The following DLGAP2 variants were observed in gnomAD, a reference collection of about 807,000 sequenced individuals.
The protein encoded by DLGAP2 is disks large-associated protein 2.
Under a neutral mutation model 100.3 loss-of-function variants are expected in DLGAP2, and 26 were observed. That is an observed-to-expected ratio of 0.26 (90% CI 0.19 to 0.36). The LOEUF (loss-of-function observed/expected upper bound fraction) is 0.36, where lower values mean the gene tolerates loss of function less well. Among genes scored for constraint, DLGAP2 ranks in the 10% least tolerant of loss-of-function variants. DLGAP2 has a pLI of 1.00. For missense variants in DLGAP2, 1,858 were observed against 1,453.2 expected (o/e 1.28, Z -4.53); for synonymous variants, 886 against 630.1 (o/e 1.41, Z -6.08).
chr8:1,506,856 C>G (rs1799937989), intron 4 of DLGAP2, among the ~76,000 whole-genome samples: 3 of 152,328 alleles, frequency 2.0e-5, no homozygotes, highest in Middle Eastern at 3.4e-3. Flanking sequence ...GAGCTAGACA[C>G]AGAGCATAGA....
At chr8:974,413 C>G (rs890466089) in intron 2 of DLGAP2, among the ~76,000 whole-genome samples, 2 of 152,162 alleles carry the variant, frequency 1.3e-5, no homozygotes, top group African/African-American at 4.8e-5. Flanking sequence ...AGAATTCTGT[C>G]TATAGATGAC....
intron 3 of DLGAP2, among the ~76,000 whole-genome samples, chr8:1,432,308 T>A (rs1797474491): frequency 6.6e-6 from 1 of 152,216 alleles, no homozygotes; most frequent in African/African-American, 2.4e-5. Context: ...AAATTTAATC[T>A]GAGAAACTGC....
chr8:1,627,625 G>A (rs549257073), intron 7 of DLGAP2, among the ~76,000 whole-genome samples: 1 of 152,382 alleles, frequency 6.6e-6, no homozygotes, highest in South Asian at 2.1e-4. Context: ...CAGTGCTTGA[G>A]CTGACCTTGA....
chr8:886,269 TTTTC>T (rs1797920140), intron 1 of DLGAP2, among the ~76,000 whole-genome samples: 1 of 152,196 alleles, frequency 6.6e-6, no homozygotes. Flanking sequence ...TTCTCTCTCT[TTTTC>T]TTTATTAGTC....
chr8:1,229,550 T>G (rs1454439858), intron 2 of DLGAP2, among the ~76,000 whole-genome samples: 1 of 151,540 alleles, frequency 6.6e-6, no homozygotes, highest in Non-Finnish European at 1.5e-5. Context: ...TTTGTTTTTC[T>G]GTGGGATTAG....
At chr8:1,372,462 A>T (rs192264200) in intron 3 of DLGAP2, among the ~76,000 whole-genome samples, 77 of 152,252 alleles carry the variant, frequency 5.1e-4, no homozygotes, top group East Asian at 4.8e-3. Context: ...AGTCCCCTCC[A>T]CAGCAGGGCT....
At chr8:886,499 T>C (rs979085584) in intron 1 of DLGAP2, among the ~76,000 whole-genome samples, 21 of 152,246 alleles carry the variant, frequency 1.4e-4, no homozygotes, top group East Asian at 9.6e-4. Flanking sequence ...CTTTCTGATG[T>C]GGGCATTTAG....
chr8:1,040,148 G>A lies in DLGAP2; in HGVS notation c.73+132182G>A, dbSNP rs1426071422. On this transcript the variant is annotated intron_variant, in intron 2 of 14. Transcript: ENST00000637795. Reference sequence around the variant, plus strand: ...GGTGTGCGTGGTCAGCTCGCTGCACGTGTTCGGCTCGGTGTGTGTTGTCAG... The same window carrying A: ...GGTGTGCGTGGTCAGCTCGCTGCACATGTTCGGCTCGGTGTGTGTTGTCAG... Among the ~76,000 whole-genome samples, 6 of 141,640 alleles carry A rather than the reference G, an allele frequency of 4.2e-5. No homozygotes were observed. In the South Asian group the frequency reaches 7.1e-4, roughly 17 times the overall value. The allele number at this position is 141,640 out of a possible 152,430, so 92.9% of individuals were successfully genotyped here.
chr8:1,274,386 T>A (rs1799641154), intron 3 of DLGAP2, among the ~76,000 whole-genome samples: 1 of 151,936 alleles, frequency 6.6e-6, no homozygotes, highest in South Asian at 2.1e-4. Context: ...TAAGCCAACA[T>A]GTATAAGAAT....
At chr8:1,216,323 C>T (rs971842697) in intron 2 of DLGAP2, among the ~76,000 whole-genome samples, 4 of 152,004 alleles carry the variant, frequency 2.6e-5, no homozygotes, top group African/African-American at 7.3e-5. Context: ...AAGGCATGTC[C>T]GTACTTCAGG....
At chr8:912,501 C>A (rs992286343) in intron 2 of DLGAP2, among the ~76,000 whole-genome samples, 1 of 152,172 alleles carries the variant, frequency 6.6e-6, no homozygotes, top group Non-Finnish European at 1.5e-5. Context: ...TAGTGTTTGC[C>A]AATTTCTGTG....
intron 3 of DLGAP2, among the ~76,000 whole-genome samples, chr8:1,325,452 G>A (rs915076565): frequency 6.6e-6 from 1 of 152,228 alleles, no homozygotes; most frequent in Admixed American, 6.5e-5. Context: ...TTTTTGAAGT[G>A]AGCTTTCACT....
chr8:1,509,175 C>G (rs1221832529), intron 4 of DLGAP2, among the ~76,000 whole-genome samples: 1 of 151,772 alleles, frequency 6.6e-6, no homozygotes, highest in Non-Finnish European at 1.5e-5. Context: ...TACTAAAATA[C>G]AAAATATTAG....
At chr8:1,363,166 G>C (rs1159572360) in intron 3 of DLGAP2, among the ~76,000 whole-genome samples, 2 of 152,262 alleles carry the variant, frequency 1.3e-5, no homozygotes, top group Non-Finnish European at 2.9e-5. Flanking sequence ...AGGTGGAGCT[G>C]GCTGCCAGGC....
At chr8:996,356 G>A (rs1203203171) in intron 2 of DLGAP2, among the ~76,000 whole-genome samples, 3 of 152,176 alleles carry the variant, frequency 2.0e-5, no homozygotes, top group African/African-American at 7.2e-5. Flanking sequence ...TGTCACCATG[G>A]GAACAGGGAA....
At chr8:1,557,644 T>C (rs1368538913) in intron 5 of DLGAP2, among the ~76,000 whole-genome samples, 2 of 152,070 alleles carry the variant, frequency 1.3e-5, no homozygotes, top group Non-Finnish European at 2.9e-5. Context: ...TAAAGGCACA[T>C]TCATTCCGCA....
At chr8:1,648,172 C>A (rs1798086036) in intron 8 of DLGAP2, among the ~76,000 whole-genome samples, 1 of 152,126 alleles carries the variant, frequency 6.6e-6, no homozygotes, top group Admixed American at 6.5e-5. Context: ...TCTTTAATTC[C>A]TTTTCTATTG....
intron 3 of DLGAP2, among the ~76,000 whole-genome samples, chr8:1,460,154 C>G (rs980099103): frequency 6.6e-6 from 1 of 152,210 alleles, no homozygotes; most frequent in Non-Finnish European, 1.5e-5. Context: ...CCACACCATG[C>G]TTCCTTTGAA....
chr8:1,595,107 C>G (rs1006652432), intron 6 of DLGAP2, among the ~76,000 whole-genome samples: 5 of 151,912 alleles, frequency 3.3e-5, no homozygotes, highest in African/African-American at 9.7e-5. Flanking sequence ...AGGGCGTCAT[C>G]TCAGCCCACT....
Sources: gnomAD v4.1 joint callset for allele counts (sites outside exome capture counted in the v4.1 genomes callset) on GRCh38, gnomAD v4.1.1 for gene constraint, MANE v1.5 for transcripts, NCBI Gene and HGNC (gene_info 2026-07-23, HGNC 2026-07-21) for gene names.